Variants in OPCML observed in about 807,000 individuals in gnomAD.
The protein encoded by OPCML is opioid binding protein/cell adhesion molecule like.
A neutral mutation model predicts 37.8 loss-of-function variants in OPCML; 13 were observed. The ratio of observed to expected loss-of-function variants is 0.34; its 90% CI spans 0.22 to 0.55. OPCML has a LOEUF of 0.55. Among genes scored for constraint, OPCML ranks in the 20% least tolerant of loss-of-function variants. The pLI is 0.91. For synonymous variants in OPCML, 176 were observed against 168.8 expected (o/e 1.04, Z -0.33); for missense variants, 341 against 435.6 (o/e 0.78, Z 1.93).
In OPCML at chr11:132,864,255, G is replaced by A. The variant is rs60745014; in HGVS notation, c.146+78671C>T. Among the ~76,000 whole-genome samples, 1,187 of 152,172 alleles carry A rather than the reference G, an allele frequency of 7.8e-3. 23 individuals carry two copies. The highest frequency in any genetic ancestry group is 0.026 in the African/African-American group (1,082 of 41,534). ...ACCCAGCCTGATTTTTTATTTTGAA[G>A]GTTCCCATGTACACGTTAATAAGTT... On this transcript the variant is annotated intron_variant, in intron 2 of 7. Transcript: ENST00000524381.
intron 1 of OPCML, among the ~76,000 whole-genome samples, chr11:133,111,850 A>C (rs1949258199): frequency 6.6e-6 from 1 of 152,154 alleles, no homozygotes; most frequent in East Asian, 1.9e-4. Context: ...TCCACCTTTG[A>C]TTGACACCTG....
intron 1 of OPCML, among the ~76,000 whole-genome samples, chr11:133,530,768 T>C (rs1198839663): frequency 1.3e-5 from 2 of 152,246 alleles, no homozygotes; most frequent in Non-Finnish European, 2.9e-5. Flanking sequence ...AGTGCCATCT[T>C]CACAAGGTGT....
chr11:132,884,457 T>A (rs1319400037), intron 2 of OPCML, among the ~76,000 whole-genome samples: 1 of 152,112 alleles, frequency 6.6e-6, no homozygotes, highest in Non-Finnish European at 1.5e-5. Context: ...AGGAGACAAA[T>A]ACCAGGGGTC....
intron 2 of OPCML, among the ~76,000 whole-genome samples, chr11:132,875,847 C>A (rs1377244132): frequency 1.3e-5 from 2 of 152,284 alleles, no homozygotes; most frequent in Middle Eastern, 3.4e-3. Flanking sequence ...AGCCTGGGTT[C>A]CTCTGGTTGT....
chr11:132,481,989 C>G (rs1406877429), intron 4 of OPCML, among the ~76,000 whole-genome samples: 1 of 148,168 alleles, frequency 6.7e-6, no homozygotes, highest in Admixed American at 6.7e-5. Context: ...AATTGACACC[C>G]TAACATCACA....
intron 1 of OPCML, among the ~76,000 whole-genome samples, chr11:133,407,422 T>C (rs370451941): frequency 1.3e-5 from 2 of 152,152 alleles, no homozygotes; most frequent in East Asian, 1.9e-4. Context: ...GATGCACATT[T>C]TGTGCTTGAG....
At chr11:133,005,630 T>A in intron 1 of OPCML, 1 of 981,948 alleles carries the variant, frequency 1.0e-6, no homozygotes, top group Non-Finnish European at 1.2e-6. Context: ...CCCTTTCTGA[T>A]GGCTCAGCCA....
chr11:133,192,935 C>T (rs1312639069), intron 1 of OPCML, among the ~76,000 whole-genome samples: 2 of 148,590 alleles, frequency 1.3e-5, no homozygotes, highest in African/African-American at 5.0e-5. Flanking sequence ...AAACAAATTA[C>T]TAAAATAAAG....
chr11:133,114,759 A>T (rs1949306389), intron 1 of OPCML, among the ~76,000 whole-genome samples: 3 of 152,132 alleles, frequency 2.0e-5, no homozygotes, highest in Admixed American at 2.0e-4. Context: ...GTGCTAAATA[A>T]TTATTTGTTG....
At chr11:132,852,523 T>C (rs889943820) in intron 2 of OPCML, among the ~76,000 whole-genome samples, 5 of 152,072 alleles carry the variant, frequency 3.3e-5, no homozygotes, top group African/African-American at 1.2e-4. Flanking sequence ...GGGTGGAACT[T>C]CTGGCAACTG....
At chr11:132,503,209 A>T (rs370546177) in intron 4 of OPCML, among the ~76,000 whole-genome samples, 5 of 152,258 alleles carry the variant, frequency 3.3e-5, no homozygotes, top group African/African-American at 1.2e-4. Flanking sequence ...TTGGCTGGTG[A>T]TGTTTTATTG....
intron 4 of OPCML, among the ~76,000 whole-genome samples, chr11:132,485,668 G>A (rs1432572108): frequency 3.3e-5 from 5 of 152,086 alleles, no homozygotes; most frequent in Non-Finnish European, 5.9e-5. Flanking sequence ...TTTTGTGGCT[G>A]GCTTCTTTTG....
At chr11:132,493,803 T>C (rs1004001691) in intron 4 of OPCML, among the ~76,000 whole-genome samples, 1 of 152,256 alleles carries the variant, frequency 6.6e-6, no homozygotes, top group Non-Finnish European at 1.5e-5. Context: ...GTTTGCTTTG[T>C]TCAACTCCAT....
intron 1 of OPCML, among the ~76,000 whole-genome samples, chr11:133,528,299 G>T (rs1318238281): frequency 6.6e-6 from 1 of 152,184 alleles, no homozygotes; most frequent in Non-Finnish European, 1.5e-5. Context: ...TTAACATGTC[G>T]ATCATTTTTA....
At chr11:132,478,486 G>A (rs189614963) in intron 4 of OPCML, among the ~76,000 whole-genome samples, 1 of 152,258 alleles carries the variant, frequency 6.6e-6, no homozygotes, top group Admixed American at 6.5e-5. Flanking sequence ...TCCTTAACAT[G>A]AGCCCCCCAA....
chr11:132,786,682 G>A (rs188636019), intron 2 of OPCML, among the ~76,000 whole-genome samples: 5 of 152,222 alleles, frequency 3.3e-5, no homozygotes, highest in African/African-American at 1.2e-4. Flanking sequence ...GACTTAGGTT[G>A]TACCATGTAG....
chr11:133,082,239 C>T (rs910978653), intron 1 of OPCML, among the ~76,000 whole-genome samples: 4 of 151,790 alleles, frequency 2.6e-5, no homozygotes, highest in East Asian at 2.0e-4. Context: ...TGGGCCACTC[C>T]GGGAGCCCCT....
At chr11:133,035,114 A>C (rs2136932560) in intron 1 of OPCML, among the ~76,000 whole-genome samples, 1 of 152,252 alleles carries the variant, frequency 6.6e-6, no homozygotes, top group Admixed American at 6.5e-5. Context: ...CCTGATTTAT[A>C]CAGAGGGGAG....
chr11:132,820,136 G>A (rs1939896014), intron 2 of OPCML, among the ~76,000 whole-genome samples: 1 of 152,140 alleles, frequency 6.6e-6, no homozygotes, highest in South Asian at 2.1e-4. Flanking sequence ...AGAAAATGGA[G>A]TGTGGGATTT....
Sources: gnomAD v4.1 joint callset for allele counts (sites outside exome capture counted in the v4.1 genomes callset) on GRCh38, gnomAD v4.1.1 for gene constraint, MANE v1.5 for transcripts, NCBI Gene and HGNC (gene_info 2026-07-23, HGNC 2026-07-21) for gene names.